TEC: variants seen among roughly 807,000 people sequenced by gnomAD.
The protein encoded by TEC is tyrosine-protein kinase Tec.
Under a neutral mutation model 93.0 loss-of-function variants are expected in TEC, and 72 were observed. The observed-to-expected ratio is 0.77, with a 90% CI of 0.64 to 0.94. TEC has a LOEUF of 0.94. Among genes scored for constraint, TEC ranks in the 40% least tolerant of loss-of-function variants. The probability of loss-of-function intolerance (pLI) is 0.00; values close to 1 mark genes in which losing one functional copy is unlikely to be tolerated. For missense variants in TEC, 630 were observed against 757.9 expected (o/e 0.83, Z 1.98); for synonymous variants, 249 against 247.7 (o/e 1.01, Z -0.05).
In TEC at chr4:48,138,718, G is replaced by C; in HGVS notation, c.1759C>G (p.Pro587Ala). The change falls in exon 17 of 18, where the codon CCG (proline) becomes GCG (alanine). Residue 587 changes from proline (P) to alanine (A), a missense_variant. Pro to Ala is a conservative substitution (Grantham distance 27). Around this residue, in one of 3 missense-constraint regions of TEC, gnomAD observed 289 missense variants for 390.0 expected, o/e 0.74. Coordinates refer to ENST00000381501, the MANE Select transcript of TEC (RefSeq NM_003215.3). Reference protein sequence around the residue: ...MVTRGHRLYQPKLASNYVYEV... With the variant: ...MVTRGHRLYQAKLASNYVYEV... ...TACACATAGTTGGACGCCAACTTCGGCTGGTAGAGTCGGTGGCCTCGAGTA... is the reference window on the plus strand; with the variant it reads ...TACACATAGTTGGACGCCAACTTCGCCTGGTAGAGTCGGTGGCCTCGAGTA... 6.2e-7 allele frequency: 1 copy of C among 1,614,140 alleles called. No individual in the cohort carries two copies. The highest frequency in any genetic ancestry group is 8.5e-7 in the Non-Finnish European group (1 of 1,180,002).
intron 1 of TEC, among the ~76,000 whole-genome samples, chr4:48,260,844 C>T (rs1724481920): frequency 6.6e-6 from 1 of 152,176 alleles, no homozygotes; most frequent in Non-Finnish European, 1.5e-5. Context: ...TATTAAAAGT[C>T]AGCTGGTAAT....
intron 2 of TEC, among the ~76,000 whole-genome samples, chr4:48,183,129 C>T (rs1274563610): frequency 6.6e-6 from 1 of 152,186 alleles, no homozygotes; most frequent in Non-Finnish European, 1.5e-5. Flanking sequence ...GCTTTGGAGA[C>T]AAGCAGATCC....
At chr4:48,254,607 G>A (rs1380502119) in intron 1 of TEC, among the ~76,000 whole-genome samples, 3 of 152,228 alleles carry the variant, frequency 2.0e-5, no homozygotes, top group Non-Finnish European at 4.4e-5. Flanking sequence ...AAGAGGCAAG[G>A]CCTCCGCCTA....
intron 2 of TEC, among the ~76,000 whole-genome samples, chr4:48,189,013 T>G (rs575117694): frequency 1.3e-5 from 2 of 152,358 alleles, no homozygotes; most frequent in South Asian, 4.1e-4. Context: ...TATATAGTTT[T>G]ATGATTACCT....
chr4:48,180,421 T>C (rs1343975094), intron 2 of TEC, among the ~76,000 whole-genome samples: 1 of 152,106 alleles, frequency 6.6e-6, no homozygotes, highest in Non-Finnish European at 1.5e-5. Flanking sequence ...TTTCATAATA[T>C]GATGGGTGGA....
rs1719843617 is a variant in TEC at position 48,145,009 on chromosome 4, T to C, written c.1470+70A>G. On this transcript the variant is annotated intron_variant, in intron 14 of 17. Coordinates refer to ENST00000381501, the MANE Select transcript of TEC (RefSeq NM_003215.3). ...CAAAAATTGGCTATTAATACATCATTGCACATTTGCTGAGCCAGTGTTACA... is the reference window on the plus strand; with the variant it reads ...CAAAAATTGGCTATTAATACATCATCGCACATTTGCTGAGCCAGTGTTACA... 3 of 1,416,556 alleles carry C rather than the reference T, an allele frequency of 2.1e-6. No individual in the cohort carries two copies. The African/African-American group carries it at 4.2e-5, about 20-fold the overall frequency. The allele number at this position is 1,416,556 out of a possible 1,614,324, so 87.7% of individuals were successfully genotyped here.
At position 48,258,482 on chromosome 4, in the gene TEC, G is replaced by C. The variant is rs527267584; in HGVS notation, c.-46+11270C>G. On this transcript the variant is annotated intron_variant, in intron 1 of 17. Coordinates refer to ENST00000381501, the MANE Select transcript of TEC (RefSeq NM_003215.3). Reference sequence around the variant, plus strand: ...TTTCTCTGCCATTTTGCATAGACTTGAGATCAACTGTTTAGCTTTTTCATG... The same window carrying C: ...TTTCTCTGCCATTTTGCATAGACTTCAGATCAACTGTTTAGCTTTTTCATG... Among the ~76,000 whole-genome samples, 3 of 152,224 alleles carry C rather than the reference G, an allele frequency of 2.0e-5. No homozygotes were observed. The South Asian group carries it at 6.2e-4, about 32-fold the overall frequency.
At chr4:48,232,140 C>A (rs994506479) in intron 1 of TEC, among the ~76,000 whole-genome samples, 14 of 151,314 alleles carry the variant, frequency 9.3e-5, no homozygotes, top group African/African-American at 3.2e-4. Context: ...AATACAAAAA[C>A]TAGCTGGGTG....
intron 2 of TEC, among the ~76,000 whole-genome samples, chr4:48,211,417 A>ATT (rs11410267): frequency 5.3e-5 from 8 of 150,286 alleles, no homozygotes; most frequent in African/African-American, 1.8e-4. Flanking sequence ...TTCAAAAAAA[A>ATT]TTTTTTTAAT....
chr4:48,190,814 T>C (rs7683535), intron 2 of TEC, among the ~76,000 whole-genome samples: 1 of 152,198 alleles, frequency 6.6e-6, no homozygotes, highest in Non-Finnish European at 1.5e-5. Context: ...ACAAAAATGT[T>C]ACCCTAAATA....
chr4:48,171,633 A>G (rs1721116984), intron 3 of TEC, among the ~76,000 whole-genome samples, 184 bp from the exon 4 acceptor site: 1 of 152,234 alleles, frequency 6.6e-6, no homozygotes, highest in South Asian at 2.1e-4. Context: ...TCATTTCTAC[A>G]TTAAGTAGAA....
chr4:48,209,621 T>C (rs539330032), intron 2 of TEC, among the ~76,000 whole-genome samples: 18 of 152,022 alleles, frequency 1.2e-4, no homozygotes, highest in African/African-American at 4.3e-4. Flanking sequence ...TCAAAAAAAA[T>C]AGATTTATAA....
intron 1 of TEC, among the ~76,000 whole-genome samples, chr4:48,262,376 T>C (rs772238507): frequency 1.3e-5 from 2 of 151,876 alleles, no homozygotes; most frequent in Non-Finnish European, 2.9e-5. Context: ...TTTGTATTTT[T>C]AGTAAAGATG....
chr4:48,227,506 G>A (rs73140506), intron 2 of TEC, among the ~76,000 whole-genome samples: 1,696 of 151,916 alleles, frequency 0.011, 39 homozygotes, highest in African/African-American at 0.039. Context: ...AGCCGAGTGC[G>A]GTGGCATGCA....
At chr4:48,151,033 A>T in intron 9 of TEC, 91 bp from the exon 10 acceptor site, 1 of 820,144 alleles carries the variant, frequency 1.2e-6, no homozygotes, top group South Asian at 2.5e-5. Context: ...TTATAATTTT[A>T]TGATTATTAT....
chr4:48,249,947 T>C (rs1452629600), intron 1 of TEC, among the ~76,000 whole-genome samples: 1 of 152,234 alleles, frequency 6.6e-6, no homozygotes, highest in Non-Finnish European at 1.5e-5. Context: ...TCAGGGTGAC[T>C]GGCTGATGGA....
chr4:48,167,669 G>T, intron 7 of TEC, 109 bp downstream of exon 7: 1 of 994,948 alleles, frequency 1.0e-6, no homozygotes, highest in Non-Finnish European at 1.5e-6. Context: ...TCCATTTATG[G>T]CTGGTGAAAT....
At chr4:48,219,963 G>C (rs1337899179) in intron 2 of TEC, among the ~76,000 whole-genome samples, 1 of 151,906 alleles carries the variant, frequency 6.6e-6, no homozygotes, top group African/African-American at 2.4e-5. Flanking sequence ...GTGGCATTTT[G>C]GGAAGAGCAC....
chr4:48,243,176 G>A (rs1723966542), intron 1 of TEC, among the ~76,000 whole-genome samples: 1 of 150,272 alleles, frequency 6.7e-6, no homozygotes, highest in African/African-American at 2.5e-5. Context: ...TCATCCCGAA[G>A]ATCTTTTTTT....
Sources: allele counts gnomAD v4.1 joint callset (sites outside exome capture counted in the v4.1 genomes callset), GRCh38; gene constraint gnomAD v4.1.1; regional missense constraint gnomAD v4.1.1; transcripts MANE v1.5; gene names NCBI Gene and HGNC (gene_info 2026-07-23, HGNC 2026-07-21).